CAMKMT: variants seen among roughly 807,000 people sequenced by gnomAD.
CAMKMT encodes the protein calmodulin-lysine N-methyltransferase.
A neutral mutation model predicts 48.0 loss-of-function variants in CAMKMT; 53 were observed. That is an observed-to-expected ratio of 1.10 (90% CI 0.89 to 1.39). The LOEUF is 1.39. CAMKMT is among the 40% of genes most tolerant of loss of function. CAMKMT has a pLI of 0.00. For missense variants in CAMKMT, 428 were observed against 402.7 expected, an observed-to-expected ratio of 1.06 and a Z score of -0.54; for synonymous variants, 165 against 152.3, an observed-to-expected ratio of 1.08 and a Z score of -0.61.
At chr2:44,516,208 G>C (rs561618871) in intron 3 of CAMKMT, among the ~76,000 whole-genome samples, 2 of 152,290 alleles carry the variant, frequency 1.3e-5, no homozygotes, top group African/African-American at 4.8e-5. Flanking sequence ...GTTCACGTTA[G>C]ACTCATGCAG....
At chr2:44,619,221 T>A (rs1001993306) in intron 3 of CAMKMT, among the ~76,000 whole-genome samples, 1 of 152,212 alleles carries the variant, frequency 6.6e-6, no homozygotes, top group African/African-American at 2.4e-5. Context: ...AAAACACCAT[T>A]ACTCAAGTCT....
intron 3 of CAMKMT, among the ~76,000 whole-genome samples, chr2:44,616,603 A>G (rs1243407962): frequency 6.6e-6 from 1 of 152,158 alleles, no homozygotes; most frequent in African/African-American, 2.4e-5. Flanking sequence ...TCTTGTCCTC[A>G]GCTCAACCTC....
intron 10 of CAMKMT, among the ~76,000 whole-genome samples, chr2:44,767,035 A>G (rs1034886704): frequency 1.3e-5 from 2 of 152,198 alleles, no homozygotes; most frequent in African/African-American, 4.8e-5. Context: ...CTCATACAGA[A>G]TTTCACAGTT....
At chr2:44,535,450 G>A (rs1666721938) in intron 3 of CAMKMT, among the ~76,000 whole-genome samples, 2 of 152,038 alleles carry the variant, frequency 1.3e-5, no homozygotes, top group African/African-American at 4.8e-5. Flanking sequence ...AAAAACTACA[G>A]GCCAATATTT....
intron 3 of CAMKMT, among the ~76,000 whole-genome samples, chr2:44,559,347 C>A (rs181902529): frequency 6.6e-6 from 1 of 152,194 alleles, no homozygotes; most frequent in East Asian, 1.9e-4. Flanking sequence ...TGAGGTGGTA[C>A]ACAGTTAAAC....
intron 3 of CAMKMT, among the ~76,000 whole-genome samples, chr2:44,587,427 GCTCTCC>G (rs1558723694): frequency 6.7e-6 from 1 of 149,476 alleles, no homozygotes; most frequent in South Asian, 2.1e-4. Context: ...AAAATTTTTA[GCTCTCC>G]CTCTCCCTCC....
In CAMKMT at chr2:44,620,002, T is replaced by A. The variant is rs1272560920; in HGVS notation, c.377-84281T>A. ...GCCCGCTGAAAATCCCATTCAGTAC[T>A]TCTTTTATATTATTTTGAAGCAAAC... On this transcript the variant is annotated intron_variant, in intron 3 of 10. Transcript: ENST00000378494. 2.0e-5 allele frequency among the ~76,000 whole-genome samples: 3 copies of A among 152,162 alleles called. No individual in the cohort carries two copies. The East Asian group carries it at 5.8e-4, about 29-fold the overall frequency.
intron 3 of CAMKMT, among the ~76,000 whole-genome samples, chr2:44,398,108 G>A (rs1474785264): frequency 1.3e-5 from 2 of 152,128 alleles, no homozygotes; most frequent in Non-Finnish European, 2.9e-5. Context: ...GTATTTGTCA[G>A]GAGCTTTGTA....
intron 3 of CAMKMT, among the ~76,000 whole-genome samples, chr2:44,581,383 A>G (rs978438137): frequency 1.3e-5 from 2 of 152,218 alleles, no homozygotes; most frequent in East Asian, 3.9e-4. Context: ...AATGAGCAGT[A>G]GAGCTTGGAA....
chr2:44,478,508 A>G (rs535815768), intron 3 of CAMKMT, among the ~76,000 whole-genome samples: 1 of 152,296 alleles, frequency 6.6e-6, no homozygotes, highest in East Asian at 1.9e-4. Context: ...TGGCTTCTGA[A>G]TATGCTGAAA....
intron 1 of CAMKMT, among the ~76,000 whole-genome samples, chr2:44,372,203 A>G (rs892831985): frequency 6.6e-6 from 1 of 152,162 alleles, no homozygotes; most frequent in African/African-American, 2.4e-5. Context: ...TAAGACTGCA[A>G]GCCAAGTGCT....
At chr2:44,682,125 C>A (rs1484158820) in intron 3 of CAMKMT, among the ~76,000 whole-genome samples, 1 of 152,084 alleles carries the variant, frequency 6.6e-6, no homozygotes, top group Non-Finnish European at 1.5e-5. Context: ...CTTTAATTCC[C>A]TTTTTTACAT....
At chr2:44,398,128 C>G (rs771174943) in intron 3 of CAMKMT, among the ~76,000 whole-genome samples, 3 of 152,058 alleles carry the variant, frequency 2.0e-5, no homozygotes, top group Non-Finnish European at 2.9e-5. Context: ...AAGTACTGTC[C>G]CGTTTAATAA....
intron 3 of CAMKMT, among the ~76,000 whole-genome samples, chr2:44,497,666 G>A (rs187245018): frequency 2.0e-5 from 3 of 150,394 alleles, no homozygotes; most frequent in Admixed American, 1.4e-4. Flanking sequence ...TTTATTTTGA[G>A]GAGCATGTAT....
At chr2:44,754,143 G>T in intron 9 of CAMKMT, 25 bp downstream of exon 9, 1 of 1,550,708 alleles carries the variant, frequency 6.4e-7, no homozygotes, top group South Asian at 1.1e-5. Flanking sequence ...ATTTTCTCCT[G>T]AACACTGGCT....
intron 3 of CAMKMT, among the ~76,000 whole-genome samples, chr2:44,485,822 G>C (rs2104696502): frequency 6.6e-6 from 1 of 152,258 alleles, no homozygotes; most frequent in African/African-American, 2.4e-5. Flanking sequence ...AAGTCCAAAG[G>C]ATGGCAAAAC....
chr2:44,681,534 T>C (rs373324366), intron 3 of CAMKMT, among the ~76,000 whole-genome samples: 2 of 150,652 alleles, frequency 1.3e-5, no homozygotes, highest in South Asian at 4.2e-4. Flanking sequence ...TTAAAGCTCT[T>C]ACCAGCTTTT....
chr2:44,395,553 G>A (rs181880273), intron 3 of CAMKMT, among the ~76,000 whole-genome samples: 1 of 152,198 alleles, frequency 6.6e-6, no homozygotes, highest in Admixed American at 6.5e-5. Flanking sequence ...GGTTATGGAA[G>A]GTACATGGGA....
At chr2:44,392,628 C>G (rs1373261376) in intron 3 of CAMKMT, among the ~76,000 whole-genome samples, 2 of 151,744 alleles carry the variant, frequency 1.3e-5, no homozygotes. Context: ...AAGCTTTTAC[C>G]ATGTAGACAT....
Sources: gnomAD v4.1 joint callset for allele counts (sites outside exome capture counted in the v4.1 genomes callset) on GRCh38, gnomAD v4.1.1 for gene constraint, MANE v1.5 for transcripts, NCBI Gene and HGNC (gene_info 2026-07-23, HGNC 2026-07-21) for gene names.